Variants in PEBP4 observed in about 807,000 individuals in gnomAD.
The protein encoded by PEBP4 is phosphatidylethanolamine binding protein 4.
A neutral mutation model predicts 23.9 loss-of-function variants in PEBP4; 22 were observed. The ratio of observed to expected loss-of-function variants is 0.92; its 90% CI spans 0.66 to 1.31. The LOEUF is 1.31. PEBP4 is among the 40% of genes most tolerant of loss of function. The pLI is 0.00. For missense variants in PEBP4, 324 were observed against 281.7 expected, an observed-to-expected ratio of 1.15 and a Z score of -1.07; for synonymous variants, 112 against 99.3, an observed-to-expected ratio of 1.13 and a Z score of -0.76.
chr8:22,713,260 A>ATTTT lies in PEBP4; in HGVS notation c.*106_*109dup. On this transcript the variant is annotated 3_prime_UTR_variant, in exon 7 of 7. Coordinates refer to ENST00000256404, the MANE Select transcript of PEBP4 (RefSeq NM_144962.3). ...GATACAAAGCACCAAGCCCTGGATGATTTTTTTTTTATTTGGAAAAGAAGG... is the reference window on the plus strand; with the variant it reads ...GATACAAAGCACCAAGCCCTGGATGATTTTTTTTTTTTTTATTTGGAAAAGAAGG... The ATTTT allele has an allele frequency of 7.5e-7, 1 of 1,329,850 alleles. No homozygotes were observed. The highest frequency in any genetic ancestry group is 9.8e-7 in the Non-Finnish European group (1 of 1,018,726). 82.4% of individuals were successfully genotyped at this position (1,329,850 alleles called of 1,614,324 possible).
chr8:22,725,911 C>T lies in PEBP4; in HGVS notation c.404-955G>A, dbSNP rs141845601. On this transcript the variant is annotated intron_variant, in intron 5 of 6. Transcript: ENST00000256404. ...GGAAGAGTCCCTCACTGTGCACTTC[C>T]GGCCACTGGTGGCTTCCAGCATGCC... Among the ~76,000 whole-genome samples the T allele has an allele frequency of 9.2e-5, 14 of 152,258 alleles. No homozygotes were observed. In the East Asian group the frequency reaches 1.9e-3, roughly 21 times the overall value.
At chr8:22,773,710 C>T (rs1322814274) in intron 4 of PEBP4, among the ~76,000 whole-genome samples, 5 of 152,190 alleles carry the variant, frequency 3.3e-5, no homozygotes, top group Admixed American at 2.6e-4. Context: ...AGGCTTGTCA[C>T]TAGGGAGCGG....
chr8:22,729,933 C>G (rs1029068151), intron 4 of PEBP4, among the ~76,000 whole-genome samples: 1 of 152,170 alleles, frequency 6.6e-6, no homozygotes, highest in Non-Finnish European at 1.5e-5. Flanking sequence ...AGAATCAACA[C>G]CTGGTAGGGG....
At chr8:22,715,468 A>G (rs1321778617) in intron 6 of PEBP4, among the ~76,000 whole-genome samples, 2 of 152,134 alleles carry the variant, frequency 1.3e-5, no homozygotes, top group Non-Finnish European at 2.9e-5. Flanking sequence ...CTTATGGGTG[A>G]ATTGGTGTGT....
intron 4 of PEBP4, among the ~76,000 whole-genome samples, chr8:22,759,178 A>C (rs1305611860): frequency 2.6e-5 from 4 of 152,198 alleles, no homozygotes; most frequent in African/African-American, 9.6e-5. Flanking sequence ...CTGGGCCCCA[A>C]CACTGACTTT....
chr8:22,793,872 G>A (rs1232186719), intron 4 of PEBP4, among the ~76,000 whole-genome samples: 1 of 152,134 alleles, frequency 6.6e-6, no homozygotes, highest in Non-Finnish European at 1.5e-5. Flanking sequence ...AATACACACA[G>A]CCAAATAATG....
At chr8:22,844,618 CTCTTT>C (rs1807390557) in intron 3 of PEBP4, among the ~76,000 whole-genome samples, 1 of 152,186 alleles carries the variant, frequency 6.6e-6, no homozygotes, top group African/African-American at 2.4e-5. Context: ...TCTTTTCTCT[CTCTTT>C]TATTTTGATT....
intron 4 of PEBP4, among the ~76,000 whole-genome samples, chr8:22,742,636 C>T (rs770157031): frequency 1.7e-4 from 26 of 152,214 alleles, no homozygotes; most frequent in South Asian, 4.1e-4. Flanking sequence ...TAAGGGGGTG[C>T]TGCCTAGACA....
In PEBP4 at chr8:22,920,187, C is replaced by A. The variant is rs896511107; in HGVS notation, c.255G>T (p.Val85=). 1 of 1,611,630 alleles carries A rather than the reference C, an allele frequency of 6.2e-7. No individual in the cohort carries two copies. The highest frequency in any genetic ancestry group is 2.2e-5 in the East Asian group (1 of 44,804). The stretch of plus-strand genomic sequence containing the variant: ...TAACACAGCCCTGCTCACTCACGTC[C>A]ACGGCCCCCGGGAACTTGACTATCG... ...MEPIVKFPGA[V]DGATYILVMV... is the part of the protein sequence containing the mutation. Residue 85 remains valine (V), a synonymous_variant, in exon 3 of 7, where the codon GTG becomes GTT. Coordinates refer to ENST00000256404, the MANE Select transcript of PEBP4 (RefSeq NM_144962.3).
intron 3 of PEBP4, among the ~76,000 whole-genome samples, chr8:22,846,183 C>T (rs947736822): frequency 2.0e-5 from 3 of 152,204 alleles, no homozygotes; most frequent in Non-Finnish European, 4.4e-5. Flanking sequence ...GTCTCCCTCC[C>T]ATGGTCAGTG....
intron 3 of PEBP4, among the ~76,000 whole-genome samples, chr8:22,917,244 C>A (rs1809097191): frequency 6.6e-6 from 1 of 152,124 alleles, no homozygotes; most frequent in Non-Finnish European, 1.5e-5. Context: ...GTGCCCTTCT[C>A]CATCAGGCCC....
At chr8:22,824,266 A>G (rs1282563753) in intron 3 of PEBP4, among the ~76,000 whole-genome samples, 1 of 152,208 alleles carries the variant, frequency 6.6e-6, no homozygotes, top group African/African-American at 2.4e-5. Context: ...ATTTGCACTC[A>G]AGGAAAAAAA....
intron 3 of PEBP4, among the ~76,000 whole-genome samples, chr8:22,860,194 A>ATATATATACACATATATATG (rs769837558): frequency 4.7e-4 from 46 of 97,568 alleles, no homozygotes; most frequent in African/African-American, 1.7e-3. Flanking sequence ...ATATATATGT[A>ATATATATACACATATATATG]TATATATATA....
chr8:22,927,619 A>G lies in PEBP4; in HGVS notation c.96T>C (p.His32=). ...GDEDENSPCA[H]EALLDEDTLF... ...GGGTGTCCTCGTCCAAGAGGGCCTC[A>G]TGGGCACACGGGCTGTTCTCATCCT... The change falls in exon 2 of 7, where the codon CAT becomes CAC. Residue 32 remains histidine, a synonymous_variant. Transcript: ENST00000256404. 6.2e-7 allele frequency: 1 copy of G among 1,613,490 alleles called. No homozygotes were observed.
chr8:22,877,487 C>T (rs138902384), intron 3 of PEBP4, among the ~76,000 whole-genome samples: 245 of 152,312 alleles, frequency 1.6e-3, no homozygotes, highest in African/African-American at 5.7e-3. Flanking sequence ...CAGCCAGAGC[C>T]AGGAGGCACT....
chr8:22,938,608 G>A (rs1809570241), intron 1 of PEBP4, among the ~76,000 whole-genome samples: 1 of 152,156 alleles, frequency 6.6e-6, no homozygotes, highest in Admixed American at 6.5e-5. Flanking sequence ...ACAGTGCCTG[G>A]GACCAGCAGG....
intron 4 of PEBP4, among the ~76,000 whole-genome samples, chr8:22,770,453 C>T (rs1028776315): frequency 2.6e-5 from 4 of 152,328 alleles, no homozygotes; most frequent in Non-Finnish European, 2.9e-5. Context: ...TGCATCCTGT[C>T]CTCTCTCTCC....
In PEBP4 at chr8:22,920,289, T is replaced by A. The variant is rs375454472; in HGVS notation, c.153A>T (p.Pro51=). 9.3e-6 allele frequency: 15 copies of A among 1,613,122 alleles called. No individual in the cohort carries two copies. Among genetic ancestry groups the A allele is most frequent in the Admixed American group, 5.0e-5 (3 of 59,994 alleles). The change falls in exon 3 of 7, where the codon CCA becomes CCT. Residue 51 remains proline (P), a synonymous_variant. Coordinates refer to ENST00000256404, the MANE Select transcript of PEBP4 (RefSeq NM_144962.3). ...CCTTGCAGCCAATGTTCCCCAACTC[T>A]GGGTAGAAAACTTCAAGGCCCCTAT... The part of the protein sequence containing the change: ...LFCQGLEVFY[P]ELGNIGCKVV...
rs776807286 is a variant in PEBP4, at chr8:22,920,191, G to GC, written c.250dup (p.Ala84GlyfsTer18). The GC allele has an allele frequency of 6.8e-6, 11 of 1,611,032 alleles. No individual in the cohort carries two copies. The highest frequency in any genetic ancestry group is 1.3e-5 in the African/African-American group (1 of 74,856). Reference sequence around the variant, plus strand: ...ACAGCCCTGCTCACTCACGTCCACGGCCCCCGGGAACTTGACTATCGGCTC... The same window carrying GC: ...ACAGCCCTGCTCACTCACGTCCACGGCCCCCCGGGAACTTGACTATCGGCTC... On this transcript the variant is annotated frameshift_variant, in exon 3 of 7. Transcript: ENST00000256404. LOFTEE classifies it high-confidence loss of function.
Sources: allele counts gnomAD v4.1 joint callset (sites outside exome capture counted in the v4.1 genomes callset), GRCh38; gene constraint gnomAD v4.1.1; transcripts MANE v1.5; gene names NCBI Gene and HGNC (gene_info 2026-07-23, HGNC 2026-07-21).